GPM6A: variants seen among roughly 807,000 people sequenced by gnomAD.
The protein encoded by GPM6A is neuronal membrane glycoprotein M6-a.
In GPM6A, 7 loss-of-function variants were observed where a neutral mutation model predicts 32.1. The observed-to-expected ratio is 0.22, with a 90% CI of 0.12 to 0.41. The LOEUF (loss-of-function observed/expected upper bound fraction) is 0.41, where lower values mean the gene tolerates loss of function less well. Ranked by LOEUF, GPM6A falls within the 10% of genes least tolerant of loss-of-function variation. GPM6A has a pLI of 1.00. For synonymous variants in GPM6A, 130 were observed against 123.4 expected, an observed-to-expected ratio of 1.05 and a Z score of -0.35; for missense variants, 235 against 347.2, an observed-to-expected ratio of 0.68 and a Z score of 2.57.
At chr4:175,637,885 T>TTTTA (rs1553967880) in intron 6 of GPM6A, among the ~76,000 whole-genome samples, 1 of 122,868 alleles carries the variant, frequency 8.1e-6, no homozygotes, top group African/African-American at 3.2e-5. Flanking sequence ...TATTTATATA[T>TTTTA]TATATATATA....
intron 1 of GPM6A, among the ~76,000 whole-genome samples, chr4:175,957,510 C>A (rs1016246518): frequency 1.5e-5 from 2 of 131,232 alleles, no homozygotes; most frequent in East Asian, 2.6e-4. Flanking sequence ...GGGAGTTGAA[C>A]AATGAGAACA....
At chr4:175,944,841 G>A (rs1012137415) in intron 1 of GPM6A, among the ~76,000 whole-genome samples, 5 of 151,888 alleles carry the variant, frequency 3.3e-5, no homozygotes, top group African/African-American at 1.2e-4. Flanking sequence ...TCCTAATAAT[G>A]CGTTTTGTAG....
At chr4:175,682,728 A>T (rs1423197396) in intron 2 of GPM6A, among the ~76,000 whole-genome samples, 1 of 152,216 alleles carries the variant, frequency 6.6e-6, no homozygotes, top group Non-Finnish European at 1.5e-5. Flanking sequence ...GCAAGCCATA[A>T]GCCCTGTCAG....
chr4:175,690,729 A>G (rs2111035300), intron 2 of GPM6A, among the ~76,000 whole-genome samples: 1 of 152,344 alleles, frequency 6.6e-6, no homozygotes, highest in Non-Finnish European at 1.5e-5. Context: ...GGGCTCATCC[A>G]GATAATCCAG....
chr4:175,839,888 A>G (rs1224288861), intron 1 of GPM6A, among the ~76,000 whole-genome samples: 1 of 152,210 alleles, frequency 6.6e-6, no homozygotes, highest in Non-Finnish European at 1.5e-5. Flanking sequence ...TTACTCTACC[A>G]TGACATCTTT....
intron 1 of GPM6A, among the ~76,000 whole-genome samples, chr4:175,706,807 C>T (rs1282744037): frequency 6.6e-5 from 10 of 152,282 alleles, no homozygotes; most frequent in East Asian, 5.8e-4. Flanking sequence ...GCATAAGATA[C>T]AGGTCATGAA....
At chr4:175,780,411 T>G (rs1733573227) in intron 1 of GPM6A, among the ~76,000 whole-genome samples, 1 of 152,180 alleles carries the variant, frequency 6.6e-6, no homozygotes. Context: ...CAAAAGGAAG[T>G]GCATCTGTAC....
At chr4:175,896,639 C>T (rs775121354) in intron 1 of GPM6A, among the ~76,000 whole-genome samples, 3 of 152,128 alleles carry the variant, frequency 2.0e-5, no homozygotes, top group Non-Finnish European at 4.4e-5. Context: ...CTGTTTCTGT[C>T]TTCTGCTTCT....
chr4:175,847,833 G>A (rs929247807), intron 1 of GPM6A, among the ~76,000 whole-genome samples: 19 of 152,262 alleles, frequency 1.2e-4, no homozygotes, highest in African/African-American at 2.6e-4. Context: ...GCTGTAGCAC[G>A]TGATAAGTGC....
intron 1 of GPM6A, among the ~76,000 whole-genome samples, chr4:175,906,205 G>A (rs1043728982): frequency 6.6e-6 from 1 of 152,080 alleles, no homozygotes; most frequent in South Asian, 2.1e-4. Flanking sequence ...GAAGTAGTGG[G>A]TGAAAGATAG....
At chr4:175,868,550 AT>A (rs1296474392) in intron 1 of GPM6A, among the ~76,000 whole-genome samples, 3 of 152,040 alleles carry the variant, frequency 2.0e-5, no homozygotes, top group Admixed American at 6.6e-5. Context: ...AATTGTTTCA[AT>A]TTTTTTCTTG....
chr4:175,883,219 A>C (rs1010469976), intron 1 of GPM6A, among the ~76,000 whole-genome samples: 1 of 152,036 alleles, frequency 6.6e-6, no homozygotes, highest in African/African-American at 2.4e-5. Flanking sequence ...CTGGTTTGAG[A>C]TTGCTTCTTC....
Position 175,759,297 on chromosome 4 carries a change from C to CG in GPM6A, c.37+52893dup, listed in dbSNP as rs138945516. 3.0e-3 allele frequency among the ~76,000 whole-genome samples: 450 copies of CG among 150,560 alleles called. 4 individuals carry two copies. The highest frequency in any genetic ancestry group is 0.015 in the East Asian group (77 of 5,102). On this transcript the variant is annotated intron_variant, in intron 1 of 6. Coordinates refer to ENST00000393658, the MANE Select transcript of GPM6A (RefSeq NM_201591.3). ...AAACTAAACAGGGGTTTGAGGAATA[C>CG]GGGGGGGGCAAGAGAAAATAGTGAT...
At position 175,948,536 on chromosome 4, in the gene GPM6A, C is replaced by T. The variant is rs563351217; in HGVS notation, c.-23+53773G>A. 4.6e-5 allele frequency among the ~76,000 whole-genome samples: 7 copies of T among 152,276 alleles called. No individual in the cohort carries two copies. The South Asian group carries it at 1.4e-3, about 32-fold the overall frequency. The stretch of plus-strand genomic sequence containing the variant: ...TGTTACAGCAGTCCAAACTAAGATG[C>T]CACATCTGATTCTACCTCCTTTACA... On this transcript the variant is annotated intron_variant, in intron 1 of 7. Coordinates refer to the GPM6A transcript ENST00000280187.
At chr4:175,861,972 CAT>C (rs112034620) in intron 1 of GPM6A, among the ~76,000 whole-genome samples, 4,722 of 152,102 alleles carry the variant, frequency 0.031, 217 homozygotes, top group African/African-American at 0.11. Context: ...TAAATATTCA[CAT>C]GTTTACTCTG....
chr4:175,637,368 TATA>T lies in GPM6A; in HGVS notation c.685-2314_685-2312del, dbSNP rs1260140424. 1.9e-4 allele frequency among the ~76,000 whole-genome samples: 15 copies of T among 79,266 alleles called. No homozygotes were observed. The South Asian group carries it at 3.0e-3, about 16-fold the overall frequency. 52.0% of individuals were successfully genotyped at this position (79,266 alleles called of 152,430 possible). A position where few individuals can be genotyped will look rare whatever the true frequency, so the allele number is the denominator to read the frequency against. On this transcript the variant is annotated intron_variant, in intron 6 of 6. Coordinates refer to ENST00000393658, the MANE Select transcript of GPM6A (RefSeq NM_201591.3). ...ATATAAAAATATATAATATATAACA[TATA>T]ATATATTATATAATATATAATAATA...
chr4:175,707,980 A>T (rs1560887818), intron 1 of GPM6A, among the ~76,000 whole-genome samples: 1 of 152,204 alleles, frequency 6.6e-6, no homozygotes, highest in Non-Finnish European at 1.5e-5. Flanking sequence ...CTGGGTTTTT[A>T]AAAATACATC....
intron 1 of GPM6A, among the ~76,000 whole-genome samples, chr4:175,975,591 T>G (rs1740634005): frequency 6.6e-6 from 1 of 152,234 alleles, no homozygotes; most frequent in Non-Finnish European, 1.5e-5. Context: ...CACTAATGCC[T>G]CTAGAATTGC....
At chr4:175,852,846 T>C (rs1006810750) in intron 1 of GPM6A, among the ~76,000 whole-genome samples, 12 of 152,154 alleles carry the variant, frequency 7.9e-5, no homozygotes, top group Non-Finnish European at 1.2e-4. Context: ...ATAAAACATT[T>C]CACACATCCT....
Sources: gnomAD v4.1 joint callset for allele counts (sites outside exome capture counted in the v4.1 genomes callset) on GRCh38, gnomAD v4.1.1 for gene constraint, MANE v1.5 for transcripts, NCBI Gene and HGNC (gene_info 2026-07-23, HGNC 2026-07-21) for gene names.